DYNC2H1: variants seen among roughly 807,000 people sequenced by gnomAD.
DYNC2H1 encodes the protein cytoplasmic dynein 2 heavy chain 1.
DYNC2H1 carries 410 observed loss-of-function variants against 570.0 expected under a neutral mutation model. That is an observed-to-expected ratio of 0.72 (90% CI 0.66 to 0.78). The LOEUF (loss-of-function observed/expected upper bound fraction) is 0.78, where lower values mean the gene tolerates loss of function less well. Ranked by LOEUF, DYNC2H1 falls within the 30% of genes least tolerant of loss-of-function variation. The pLI is 0.00. For synonymous variants in DYNC2H1, 1,688 were observed against 1,677.6 expected, an observed-to-expected ratio of 1.01 and a Z score of -0.15; for missense variants, 4,865 against 5,046.4, an observed-to-expected ratio of 0.96 and a Z score of 1.09.
intron 47 of DYNC2H1, among the ~76,000 whole-genome samples, chr11:103,195,048 A>C (rs1297062389): frequency 1.3e-5 from 2 of 152,154 alleles, no homozygotes; most frequent in African/African-American, 4.8e-5. Context: ...TTTTGAGAAT[A>C]TGTGTATATT....
At chr11:103,385,520 G>T (rs1259108140) in intron 83 of DYNC2H1, among the ~76,000 whole-genome samples, 1 of 151,920 alleles carries the variant, frequency 6.6e-6, no homozygotes, top group East Asian at 1.9e-4. Flanking sequence ...AATTAAATTT[G>T]TAGCCATTGC....
rs1281146309 is a variant in DYNC2H1 at position 103,280,107 on chromosome 11, C to T, written c.10696-241C>T. Among the ~76,000 whole-genome samples, 2 of 151,980 alleles carry T rather than the reference C, an allele frequency of 1.3e-5. No individual in the cohort carries two copies. The highest frequency in any genetic ancestry group is 2.4e-5 in the African/African-American group (1 of 41,382). ...TGTTTTGTTTTTTAATGACATGGGC[C>T]CACTGCATAATTGTTAGTGCTTTCT... On this transcript the variant is annotated intron_variant, in intron 70 of 88. Transcript: ENST00000375735. This position sits in a 1 kb window ranked among gnomAD's most constrained non-coding sequence, Gnocchi z 4.7.
chr11:103,236,374 C>A, intron 62 of DYNC2H1, 56 bp from the exon 63 acceptor site: 2 of 1,033,518 alleles, frequency 1.9e-6, no homozygotes, highest in Non-Finnish European at 3.0e-6. Context: ...TTATTTCCTT[C>A]CCTTCATCAA....
chr11:103,187,564 C>T lies in DYNC2H1; in HGVS notation c.7118C>T (p.Thr2373Ile). 6.2e-7 allele frequency: 1 copy of T among 1,612,962 alleles called. No homozygotes were observed. Among genetic ancestry groups the T allele is most frequent in the Non-Finnish European group, 8.5e-7 (1 of 1,179,294 alleles). The change falls in exon 43 of 89, where the codon ACT (threonine) becomes ATT (isoleucine). Residue 2373 changes from threonine (T) to isoleucine (I), a missense_variant. Thr to Ile is a moderately conservative substitution (Grantham distance 89). Transcript: ENST00000375735. ...AAACTTGATAAATGGGGGACCAGTA[C>T]TTTGGTAGCATTCCTACAACAGGTA... is the stretch of plus-strand genomic sequence containing the variant. ...LPKLDKWGTS[T>I]LVAFLQQVLT...
At chr11:103,267,011 G>A (rs1278731025) in intron 70 of DYNC2H1, among the ~76,000 whole-genome samples, 1 of 152,138 alleles carries the variant, frequency 6.6e-6, no homozygotes, top group African/African-American at 2.4e-5. Flanking sequence ...AAACCCCCTG[G>A]GCTCCACATC....
intron 83 of DYNC2H1, among the ~76,000 whole-genome samples, chr11:103,384,196 T>A (rs1002985229): frequency 1.3e-5 from 2 of 152,218 alleles, no homozygotes; most frequent in Admixed American, 1.3e-4. Flanking sequence ...AAATGGTATT[T>A]TGTTCATTTG....
intron 87 of DYNC2H1, among the ~76,000 whole-genome samples, chr11:103,459,961 A>AAG (rs1375492120): frequency 1.3e-4 from 20 of 149,998 alleles, no homozygotes; most frequent in African/African-American, 4.9e-4. Flanking sequence ...TCCGTCTCAA[A>AAG]AAAAAAAGAA....
intron 29 of DYNC2H1, among the ~76,000 whole-genome samples, chr11:103,162,749 G>A (rs1398018508): frequency 6.6e-6 from 1 of 152,000 alleles, no homozygotes; most frequent in African/African-American, 2.4e-5. Context: ...ATATAGTCAT[G>A]GTAGTGTTAG....
chr11:103,274,942 A>G (rs1365859566), intron 70 of DYNC2H1, among the ~76,000 whole-genome samples: 2 of 152,076 alleles, frequency 1.3e-5, no homozygotes, highest in African/African-American at 4.8e-5. Context: ...TAAAAATACA[A>G]AAATTAGCCA....
In DYNC2H1 at chr11:103,285,516, G is replaced by A. The variant is rs181967939; in HGVS notation, c.10891-739G>A. ...CGGCTCACTGCAACTTCTGCCTCCC[G>A]AGTTCAAGTGATTCTCCTGCCTCAG... On this transcript the variant is annotated intron_variant, in intron 73 of 88. Transcript: ENST00000375735. Among the ~76,000 whole-genome samples, 11 of 146,284 alleles carry A rather than the reference G, an allele frequency of 7.5e-5. 1 individual carries two copies. Among genetic ancestry groups the A allele is most frequent in the East Asian group, 2.0e-4 (1 of 4,906 alleles).
chr11:103,385,070 CT>C (rs1472833497), intron 83 of DYNC2H1, among the ~76,000 whole-genome samples: 1 of 152,048 alleles, frequency 6.6e-6, no homozygotes, highest in Non-Finnish European at 1.5e-5. Context: ...TCTATCTTTT[CT>C]TGCTGCTTTT....
At chr11:103,235,348 T>A (rs1308067115) in intron 61 of DYNC2H1, among the ~76,000 whole-genome samples, 1 of 151,954 alleles carries the variant, frequency 6.6e-6, no homozygotes, top group East Asian at 1.9e-4. Flanking sequence ...GTTCATTCTC[T>A]GTGTCTTAAT....
rs185023745 is a variant in DYNC2H1 at position 103,274,633 on chromosome 11, C to T, written c.10696-5715C>T. Among the ~76,000 whole-genome samples the T allele has an allele frequency of 6.2e-4, 95 of 152,206 alleles. 1 individual carries two copies. The South Asian group carries it at 0.016, about 26-fold the overall frequency. On this transcript the variant is annotated intron_variant, in intron 70 of 88. Coordinates refer to ENST00000375735, the MANE Select transcript of DYNC2H1 (RefSeq NM_001377.3). ...TTTAACCTAATACCTAAGAATACTA[C>T]GCTACACATCTTCCCAAAAGACACA...
At chr11:103,353,477 T>G (rs1487373266) in intron 82 of DYNC2H1, among the ~76,000 whole-genome samples, 2 of 152,218 alleles carry the variant, frequency 1.3e-5, no homozygotes, top group African/African-American at 2.4e-5. Context: ...CTCTGTATCT[T>G]CTGGTAATTT....
At chr11:103,273,176 CTTTCT>C (rs959554607) in intron 70 of DYNC2H1, among the ~76,000 whole-genome samples, 12 of 143,396 alleles carry the variant, frequency 8.4e-5, no homozygotes, top group African/African-American at 2.3e-4. Context: ...CTTCTCTTCT[CTTTCT>C]TTTCTTTTCT....
At chr11:103,301,629 G>A (rs557796842) in intron 75 of DYNC2H1, among the ~76,000 whole-genome samples, 4 of 152,000 alleles carry the variant, frequency 2.6e-5, no homozygotes, top group African/African-American at 9.6e-5. Context: ...GGCTCTTGGA[G>A]TAAATTTCAC....
chr11:103,358,395 T>C (rs1940462435), intron 83 of DYNC2H1, 36 bp downstream of exon 83: 1 of 1,386,304 alleles, frequency 7.2e-7, no homozygotes, highest in East Asian at 2.5e-5. Context: ...TCTTTTGCTT[T>C]TTCTCCCGCA....
intron 82 of DYNC2H1, among the ~76,000 whole-genome samples, chr11:103,332,178 A>G (rs79613809): frequency 0.031 from 4,671 of 152,204 alleles, 232 homozygotes; most frequent in African/African-American, 0.11. Context: ...GCTAGAAATA[A>G]AAAGCAAAGT....
At chr11:103,179,939 T>C (rs1463119936) in intron 39 of DYNC2H1, among the ~76,000 whole-genome samples, 1 of 151,242 alleles carries the variant, frequency 6.6e-6, no homozygotes, top group Admixed American at 6.6e-5. Flanking sequence ...TAGCATTTTA[T>C]TTTTTTTAGT....
Sources: gnomAD v4.1 joint callset for allele counts (sites outside exome capture counted in the v4.1 genomes callset) on GRCh38, gnomAD v4.1.1 for gene constraint, Gnocchi (gnomAD v3.1) non-coding constraint, MANE v1.5 for transcripts, NCBI Gene and HGNC (gene_info 2026-07-23, HGNC 2026-07-21) for gene names.